Variants in FGFBP2 observed in about 807,000 individuals in gnomAD.
The protein encoded by FGFBP2 is fibroblast growth factor-binding protein 2.
In FGFBP2, 7 loss-of-function variants were observed where a neutral mutation model predicts 7.3. The ratio of observed to expected loss-of-function variants is 0.96; its 90% CI spans 0.55 to 1.81. FGFBP2 has a LOEUF of 1.81. Among genes scored for constraint, FGFBP2 ranks in the 40% most tolerant of loss-of-function variants. FGFBP2 has a pLI of 0.00. For synonymous variants in FGFBP2, 131 were observed against 110.2 expected (o/e 1.19, Z -1.18); for missense variants, 291 against 280.1 (o/e 1.04, Z -0.28).
rs896063397 is a variant in FGFBP2, at chr4:15,962,937, T to C, written c.193A>G (p.Asn65Asp). Reference sequence around the variant, plus strand: ...TCACACCAGTAGGTCTGGTCTGTGTTGCGGCAGTCGACACGAAGCCAGACT... The same window carrying C: ...TCACACCAGTAGGTCTGGTCTGTGTCGCGGCAGTCGACACGAAGCCAGACT... ...GEVWLRVDCR[N>D]TDQTYWCEYR... The change falls in exon 1 of 2, where the codon AAC becomes GAC. Residue 65 changes from asparagine (N) to aspartate (D), a missense_variant. By Grantham distance (23) the Asn-to-Asp change is conservative. Coordinates refer to ENST00000259989, the MANE Select transcript of FGFBP2 (RefSeq NM_031950.4). 4.4e-6 allele frequency: 7 copies of C among 1,605,150 alleles called. No individual in the cohort carries two copies. Among genetic ancestry groups the C allele is most frequent in the Non-Finnish European group, 5.9e-6 (7 of 1,177,270 alleles).
At position 15,962,619 on chromosome 4, in the gene FGFBP2, C is replaced by A. The variant is rs749826832; in HGVS notation, c.511G>T (p.Glu171Ter). Residue 171 changes from glutamate (E) to a stop codon, truncating the protein, a stop_gained, in exon 1 of 2, where the codon GAG (glutamate) becomes TAG (stop). Coordinates refer to ENST00000259989, the MANE Select transcript of FGFBP2 (RefSeq NM_031950.4). LOFTEE classifies it low-confidence loss of function (END_TRUNC). ...ATQLGKDSME[E>*]LGKAKPTTRP... ...GTGGTGGGTTTGGCTTTTCCCAGCT[C>A]TTCCATCGAGTCCTTTCCCAGCTGT... is the stretch of plus-strand genomic sequence containing the variant. 1.2e-6 allele frequency: 2 copies of A among 1,614,194 alleles called. No homozygotes were observed. Among genetic ancestry groups the A allele is most frequent in the South Asian group, 2.2e-5 (2 of 91,078 alleles).
chr4:15,961,294 T>A (rs1254448472), intron 1 of FGFBP2, among the ~76,000 whole-genome samples: 1 of 151,970 alleles, frequency 6.6e-6, no homozygotes, highest in East Asian at 1.9e-4. Context: ...ATGTCTTATT[T>A]GTAGAAAGAC....
rs1713114818 is a variant in FGFBP2, at chr4:15,962,562, G to A, written c.568C>T (p.Pro190Ser). The change falls in exon 1 of 2, where the codon CCC becomes TCC. Residue 190 changes from proline to serine, a missense_variant. Coordinates refer to ENST00000259989, the MANE Select transcript of FGFBP2 (RefSeq NM_031950.4). The stretch of plus-strand genomic sequence containing the variant: ...GCTTCCTCATTCCCTCCGGGCCTGG[G>A]TCCAGGCTGGGTAGGTTTGGCTGTG... ...RPTAKPTQPG[P>S]RPGGNEEAKK... The A allele has an allele frequency of 8.7e-6, 14 of 1,614,112 alleles. No homozygotes were observed. The highest frequency in any genetic ancestry group is 1.2e-5 in the Non-Finnish European group (14 of 1,179,986).
chr4:15,962,245 T>A (rs1713104003), intron 1 of FGFBP2, among the ~76,000 whole-genome samples, 193 bp downstream of exon 1: 1 of 151,748 alleles, frequency 6.6e-6, no homozygotes, highest in Non-Finnish European at 1.5e-5. Flanking sequence ...AACTCCAGGG[T>A]CAAGTGCCAC....
Position 15,962,554 on chromosome 4 carries a change from G to A in FGFBP2, c.576C>T (p.Pro192=), listed in dbSNP as rs140969398. The change falls in exon 1 of 2, where the codon CCC becomes CCT. Residue 192 remains proline, a synonymous_variant. Coordinates refer to ENST00000259989, the MANE Select transcript of FGFBP2 (RefSeq NM_031950.4). ...TAKPTQPGPR[P]GGNEEAKKKA... is the part of the protein sequence containing the mutation. ...TCTTCTTTGCTTCCTCATTCCCTCC[G>A]GGCCTGGGTCCAGGCTGGGTAGGTT... The A allele has an allele frequency of 4.2e-5, 67 of 1,613,874 alleles. No homozygotes were observed. In the Middle Eastern group the frequency reaches 5.0e-4, roughly 12 times the overall value.
In FGFBP2 at chr4:15,962,704, C is replaced by T. The variant is rs750668613; in HGVS notation, c.426G>A (p.Gln142=). ...SLKGSPEPNQ[Q]PEAGTPSLRP... is the part of the protein sequence containing the mutation. ...TCAGAGATGGCGTCCCAGCCTCAGG[C>T]TGCTGGTTGGGCTCTGGGCTGCCCT... The change falls in exon 1 of 2, where the codon CAG becomes CAA. Residue 142 remains glutamine (Q), a synonymous_variant. Coordinates refer to ENST00000259989, the MANE Select transcript of FGFBP2 (RefSeq NM_031950.4). 1 of 1,613,964 alleles carries T rather than the reference C, an allele frequency of 6.2e-7. No homozygotes were observed. The highest frequency in any genetic ancestry group is 1.3e-5 in the African/African-American group (1 of 74,936).
At chr4:15,962,283 C>T (rs2148950233) in intron 1 of FGFBP2, among the ~76,000 whole-genome samples, 155 bp downstream of exon 1, 1 of 152,282 alleles carries the variant, frequency 6.6e-6, no homozygotes, top group Middle Eastern at 3.4e-3. Context: ...ATCTACACTG[C>T]TCTGCAACAG....
Position 15,962,901 on chromosome 4 carries a change from GC to G in FGFBP2, c.228del (p.Gln77SerfsTer23), listed in dbSNP as rs752039553. On this transcript the variant is annotated frameshift_variant, in exon 1 of 2. Transcript: ENST00000259989. LOFTEE classifies it high-confidence loss of function. ...GCGAAAGCCTGGCACATGCTGGGCT[GC>G]CCCCTGTACTCACACCAGTAGGTCT... ...TDQTYWCEYR[G>X]QPSMCQAFAA... The G allele has an allele frequency of 5.1e-6, 8 of 1,573,772 alleles. No homozygotes were observed. Among genetic ancestry groups the G allele is most frequent in the Non-Finnish European group, 6.9e-6 (8 of 1,159,698 alleles).
Position 15,962,518 on chromosome 4 carries a change from T to C in FGFBP2, c.612A>G (p.Glu204=). 6.2e-7 allele frequency: 1 copy of C among 1,606,712 alleles called. No individual in the cohort carries two copies. Among genetic ancestry groups the C allele is most frequent in the Non-Finnish European group, 8.5e-7 (1 of 1,175,050 alleles). ...GNEEAKKKAW[E]HCWKPFQALC... ...GGGCCTGGAAGGGTTTCCAACAATG[T>C]TCCCAGGCCTTCTTCTTTGCTTCCT... Residue 204 remains glutamate, a synonymous_variant, in exon 1 of 2, where the codon GAA becomes GAG. Transcript: ENST00000259989.
Position 15,962,977 on chromosome 4 carries a change from C to A in FGFBP2, c.153G>T (p.Gly51=). The change falls in exon 1 of 2, where the codon GGG becomes GGT. Residue 51 remains glycine, a synonymous_variant. Transcript: ENST00000259989. ...DSCTMRPSSL[G]QGAGEVWLRV... The stretch of plus-strand genomic sequence containing the variant: ...GAAGCCAGACTTCTCCAGCACCTTG[C>A]CCCAAGCTGCTGGGACGCATAGTGC... 3.1e-6 allele frequency: 5 copies of A among 1,613,448 alleles called. No homozygotes were observed. Among genetic ancestry groups the A allele is most frequent in the Non-Finnish European group, 4.2e-6 (5 of 1,179,894 alleles).
chr4:15,962,778 T>C lies in FGFBP2; in HGVS notation c.352A>G (p.Arg118Gly), dbSNP rs1259206243. The change falls in exon 1 of 2, where the codon AGG (arginine) becomes GGG (glycine). Residue 118 changes from arginine to glycine, a missense_variant. Arg to Gly is a moderately radical substitution (Grantham distance 125). Transcript: ENST00000259989. ...ATATGGGCCTGGGGTCCAGCCTCCC[T>C]GCACACGGATGGCCTAAGCACCGGG... ...GAPVLRPSVC[R>G]EAGPQAHMQQ... The C allele has an allele frequency of 1.3e-6, 2 of 1,598,300 alleles. No homozygotes were observed. Among genetic ancestry groups the C allele is most frequent in the South Asian group, 2.2e-5 (2 of 89,922 alleles).
In FGFBP2 at chr4:15,962,573, G is replaced by A. The variant is rs1713115009; in HGVS notation, c.557C>T (p.Thr186Ile). Reference protein sequence around the residue: ...KPTTRPTAKPTQPGPRPGGNE... With the variant: ...KPTTRPTAKPIQPGPRPGGNE... ...CCCTCCGGGCCTGGGTCCAGGCTGG[G>A]TAGGTTTGGCTGTGGGTCGGGTGGT... is the stretch of plus-strand genomic sequence containing the variant. The change falls in exon 1 of 2, where the codon ACC (threonine) becomes ATC (isoleucine). Residue 186 changes from threonine (T) to isoleucine (I), a missense_variant. Transcript: ENST00000259989. The A allele has an allele frequency of 6.2e-7, 1 of 1,614,176 alleles. No individual in the cohort carries two copies.
rs781065133 is a variant in FGFBP2 at position 15,963,007 on chromosome 4, A to G, written c.123T>C (p.Asp41=). Residue 41 remains aspartate, a synonymous_variant, in exon 1 of 2, where the codon GAT becomes GAC. Transcript: ENST00000259989. ...AGCTGCTGGGACGCATAGTGCAGGAATCTCTCCCTCCAGTCTGGAAATGGA... is the reference window on the plus strand; with the variant it reads ...AGCTGCTGGGACGCATAGTGCAGGAGTCTCTCCCTCCAGTCTGGAAATGGA... ...EEFHFQTGGR[D]SCTMRPSSLG... The G allele has an allele frequency of 1.9e-6, 3 of 1,614,076 alleles. No homozygotes were observed. In the Admixed American group the frequency reaches 5.0e-5, roughly 27 times the overall value.
At chr4:15,962,359 G>A in intron 1 of FGFBP2, 79 bp downstream of exon 1, 4 of 1,247,370 alleles carry the variant, frequency 3.2e-6, no homozygotes, top group Non-Finnish European at 4.3e-6. Flanking sequence ...CTGTGAAAGT[G>A]CTAAGTGCCT....
chr4:15,960,727 TC>T (rs888899696), intron 1 of FGFBP2, 116 bp from the exon 2 acceptor site: 31 of 152,126 alleles, frequency 2.0e-4, no homozygotes, highest in African/African-American at 7.0e-4. Flanking sequence ...TAGACTTAAG[TC>T]CTAACCTCCA....
rs145734233 is a variant in FGFBP2 at position 15,962,591 on chromosome 4, C to T, written c.539G>A (p.Arg180Gln). The change falls in exon 1 of 2, where the codon CGA becomes CAA. Residue 180 changes from arginine to glutamine, a missense_variant. Coordinates refer to ENST00000259989, the MANE Select transcript of FGFBP2 (RefSeq NM_031950.4). ...AGGCTGGGTAGGTTTGGCTGTGGGT[C>T]GGGTGGTGGGTTTGGCTTTTCCCAG... ...EELGKAKPTT[R>Q]PTAKPTQPGP... 141 of 1,613,970 alleles carry T rather than the reference C, an allele frequency of 8.7e-5. 1 individual carries two copies. The highest frequency in any genetic ancestry group is 2.8e-4 in the Admixed American group (17 of 60,004).
At chr4:15,961,809 T>A (rs1439199106) in intron 1 of FGFBP2, among the ~76,000 whole-genome samples, 1 of 152,212 alleles carries the variant, frequency 6.6e-6, no homozygotes, top group Non-Finnish European at 1.5e-5. Context: ...TTTTCTCCTC[T>A]GTGATGAACA....
At chr4:15,962,312 C>G (rs1180163630) in intron 1 of FGFBP2, 126 bp downstream of exon 1, 12 of 862,902 alleles carry the variant, frequency 1.4e-5, no homozygotes, top group Admixed American at 3.2e-5. Flanking sequence ...AAACCCACCC[C>G]CAAACACACG....
In FGFBP2 at chr4:15,960,602, G is replaced by C. The variant is rs1263119893; in HGVS notation, c.*30C>G. The C allele has an allele frequency of 2.0e-5, 3 of 147,694 alleles. No individual in the cohort carries two copies. The highest frequency in any genetic ancestry group is 7.5e-5 in the African/African-American group (3 of 39,902). The allele number at this position is 147,694 out of a possible 1,614,324, so 9.1% of individuals were successfully genotyped here. A position where few individuals can be genotyped will look rare whatever the true frequency, so the allele number is the denominator to read the frequency against. ...AAAAGAGATGGTTGTCTGTCAGGGAGAGGTCAGATCTAAAAAAAAAAAAAA... is the reference window on the plus strand; with the variant it reads ...AAAAGAGATGGTTGTCTGTCAGGGACAGGTCAGATCTAAAAAAAAAAAAAA... On this transcript the variant is annotated 3_prime_UTR_variant, in exon 2 of 2. Coordinates refer to ENST00000259989, the MANE Select transcript of FGFBP2 (RefSeq NM_031950.4).
Sources: gnomAD v4.1 joint callset for allele counts (sites outside exome capture counted in the v4.1 genomes callset) on GRCh38, gnomAD v4.1.1 for gene constraint, MANE v1.5 for transcripts, NCBI Gene and HGNC (gene_info 2026-07-23, HGNC 2026-07-21) for gene names.